Variants in MANSC1 observed in about 807,000 individuals in gnomAD.
MANSC1 encodes the protein MANSC domain containing 1, also known as MANSC domain-containing protein 1.
Under a neutral mutation model 14.1 loss-of-function variants are expected in MANSC1, and 13 were observed. That is an observed-to-expected ratio of 0.92 (90% CI 0.60 to 1.46). The LOEUF (loss-of-function observed/expected upper bound fraction) is 1.46. Among genes scored for constraint, MANSC1 ranks in the 40% most tolerant of loss-of-function variants. MANSC1 has a pLI of 0.00. For synonymous variants in MANSC1, 227 were observed against 200.7 expected (o/e 1.13, Z -1.11); for missense variants, 486 against 511.4 (o/e 0.95, Z 0.48).
chr12:12,349,893 C>T (rs1231345925), intron 1 of MANSC1, among the ~76,000 whole-genome samples, 185 bp downstream of exon 1: 2 of 152,226 alleles, frequency 1.3e-5, no homozygotes, highest in Non-Finnish European at 2.9e-5. Flanking sequence ...GCCTAGAGGT[C>T]CCCTTTGGAA....
intron 2 of MANSC1, among the ~76,000 whole-genome samples, chr12:12,342,806 T>C (rs905854799): frequency 6.6e-6 from 1 of 152,128 alleles, no homozygotes; most frequent in Non-Finnish European, 1.5e-5. Context: ...ACCATTTCAA[T>C]AGGATTTTTG....
chr12:12,332,991 G>C (rs778527906), intron 3 of MANSC1, among the ~76,000 whole-genome samples: 1 of 151,818 alleles, frequency 6.6e-6, no homozygotes, highest in East Asian at 1.9e-4. Flanking sequence ...TCTGCTCTAG[G>C]ATATAGTATT....
intron 2 of MANSC1, chr12:12,338,825 C>G (rs778140853): frequency 1.3e-5 from 6 of 479,384 alleles, no homozygotes; most frequent in Non-Finnish European, 2.3e-5. Context: ...AAAGTCAAAG[C>G]CAAAGCAAAG....
At chr12:12,331,140 G>A (rs534784790) in intron 3 of MANSC1, among the ~76,000 whole-genome samples, 182 bp from the exon 4 acceptor site, 2 of 152,252 alleles carry the variant, frequency 1.3e-5, no homozygotes, top group Non-Finnish European at 2.9e-5. Context: ...CCAGGAGTTG[G>A]AGACCAGCCT....
intron 3 of MANSC1, among the ~76,000 whole-genome samples, chr12:12,336,895 A>G (rs1385069802): frequency 1.3e-5 from 2 of 152,220 alleles, no homozygotes; most frequent in African/African-American, 4.8e-5. Context: ...ATGCTAAATA[A>G]TATTTGTTAT....
intron 1 of MANSC1, among the ~76,000 whole-genome samples, chr12:12,344,916 CATATATATATATATAT>C (rs536743365): frequency 0.091 from 3,061 of 33,576 alleles, 158 homozygotes; most frequent in Non-Finnish European, 0.12. Context: ...AATAAACTCC[CATATATATATATATAT>C]ATATATATAT....
At position 12,329,962 on chromosome 12, in the gene MANSC1, A is replaced by C; in HGVS notation, c.*65T>G. 7.3e-7 allele frequency: 1 copy of C among 1,367,588 alleles called. No individual in the cohort carries two copies. Among genetic ancestry groups the C allele is most frequent in the Non-Finnish European group, 1.0e-6 (1 of 990,346 alleles). 84.7% of individuals were successfully genotyped at this position (1,367,588 alleles called of 1,614,324 possible). A position where few individuals can be genotyped will look rare whatever the true frequency, so the allele number is the denominator to read the frequency against. On this transcript the variant is annotated 3_prime_UTR_variant, in exon 4 of 4. Coordinates refer to ENST00000535902, the MANE Select transcript of MANSC1 (RefSeq NM_018050.4). ...AACCTCCTGCTAAGACTAGCAAGTC[A>C]GCAGAAACTCATTGCATTTGGGCTT...
At position 12,343,140 on chromosome 12, in the gene MANSC1, T is replaced by C. The variant is rs1049145420; in HGVS notation, c.175A>G (p.Thr59Ala). ...IRGNEPVYTS[T>A]QEDCINSCCS... ...CAAGAATTAATGCAGTCTTCTTGAG[T>C]TGAAGTATATACGGGCTCATTGCCT... Residue 59 changes from threonine to alanine, a missense_variant, in exon 2 of 4, where the codon ACT becomes GCT. Coordinates refer to ENST00000535902, the MANE Select transcript of MANSC1 (RefSeq NM_018050.4). The C allele has an allele frequency of 5.0e-6, 8 of 1,613,910 alleles. No homozygotes were observed. The highest frequency in any genetic ancestry group is 6.8e-6 in the Non-Finnish European group (8 of 1,179,922).
chr12:12,339,972 C>G (rs1273479056), intron 2 of MANSC1, among the ~76,000 whole-genome samples: 2 of 152,086 alleles, frequency 1.3e-5, no homozygotes, highest in African/African-American at 2.4e-5. Context: ...ACCACCATGC[C>G]TGGCTAATTT....
Position 12,329,428 on chromosome 12 carries a change from T to C in MANSC1, c.*599A>G, listed in dbSNP as rs1028196920. 2 of 152,298 alleles carry C rather than the reference T, an allele frequency of 1.3e-5. No individual in the cohort carries two copies. Among genetic ancestry groups the C allele is most frequent in the Non-Finnish European group, 2.9e-5 (2 of 68,072 alleles). 9.4% of individuals were successfully genotyped at this position (152,298 alleles called of 1,614,324 possible). On this transcript the variant is annotated 3_prime_UTR_variant, in exon 4 of 4. Coordinates refer to ENST00000535902, the MANE Select transcript of MANSC1 (RefSeq NM_018050.4). Reference sequence around the variant, plus strand: ...TGAATGAATTGGAACCTAGATGTCCTAACCTGTTTCTTTGCATAAAAGCCA... The same window carrying C: ...TGAATGAATTGGAACCTAGATGTCCCAACCTGTTTCTTTGCATAAAAGCCA...
chr12:12,330,436 G>A lies in MANSC1; in HGVS notation c.887C>T (p.Ala296Val), dbSNP rs142261316. Reference protein sequence around the residue: ...VFTRAAATLQAMATTAVLTTT... With the variant: ...VFTRAAATLQVMATTAVLTTT... ...AGTCAGAACTGCTGTTGTAGCCATT[G>A]CTTGGAGTGTAGCCGCAGCCCGTGT... is the stretch of plus-strand genomic sequence containing the variant. The change falls in exon 4 of 4, where the codon GCA (alanine) becomes GTA (valine). Residue 296 changes from alanine (A) to valine (V), a missense_variant. Transcript: ENST00000535902. 3 of 1,614,108 alleles carry A rather than the reference G, an allele frequency of 1.9e-6. No individual in the cohort carries two copies. Among genetic ancestry groups the A allele is most frequent in the Admixed American group, 1.7e-5 (1 of 60,006 alleles).
Position 12,343,416 on chromosome 12 carries a change from T to A in MANSC1, c.-100-2A>T. On this transcript the variant is annotated splice_acceptor_variant, in intron 1 of 3. Coordinates refer to ENST00000535902, the MANE Select transcript of MANSC1 (RefSeq NM_018050.4). LOFTEE classifies it low-confidence loss of function (5UTR_SPLICE). ...CTGCACAGATGATGAGATTTCTCTC[T>A]AGAACAAAAATGGAAAATCATCAAT... 1 of 719,224 alleles carries A rather than the reference T, an allele frequency of 1.4e-6. No homozygotes were observed. Among genetic ancestry groups the A allele is most frequent in the Non-Finnish European group, 2.3e-6 (1 of 434,660 alleles). The allele number at this position is 719,224 out of a possible 1,614,324, so 44.6% of individuals were successfully genotyped here.
Position 12,342,590 on chromosome 12 carries a change from T to G in MANSC1, c.223+502A>C, listed in dbSNP as rs958356348. Among the ~76,000 whole-genome samples, 23 of 115,478 alleles carry G rather than the reference T, an allele frequency of 2.0e-4. No individual in the cohort carries two copies. The East Asian group carries it at 2.2e-3, about 11-fold the overall frequency. The allele number at this position is 115,478 out of a possible 152,430, so 75.8% of individuals were successfully genotyped here. The stretch of plus-strand genomic sequence containing the variant: ...TAGTAGTCAGTGTTTTTTTGTTTTT[T>G]TTTTTTTTTTTTTTTTTTGACTTAT... On this transcript the variant is annotated intron_variant, in intron 2 of 3. Transcript: ENST00000535902.
In MANSC1 at chr12:12,344,366, C is replaced by T. The variant is rs146280367; in HGVS notation, c.-100-952G>A. 4.8e-3 allele frequency among the ~76,000 whole-genome samples: 736 copies of T among 152,096 alleles called. 6 individuals carry two copies. The highest frequency in any genetic ancestry group is 0.027 in the Middle Eastern group (8 of 294). On this transcript the variant is annotated intron_variant, in intron 1 of 3. Transcript: ENST00000535902. Reference sequence around the variant, plus strand: ...GAGTCAGTGGGCTGGGAAAGGCAGACCCACCCTGAATCTGGGTGGGCACAA... The same window carrying T: ...GAGTCAGTGGGCTGGGAAAGGCAGATCCACCCTGAATCTGGGTGGGCACAA...
In MANSC1 at chr12:12,338,572, G is replaced by A; in HGVS notation, c.224-12C>T. The A allele has an allele frequency of 6.2e-7, 1 of 1,607,340 alleles. No homozygotes were observed. Among genetic ancestry groups the A allele is most frequent in the South Asian group, 1.1e-5 (1 of 89,302 alleles). On this transcript the variant is annotated splice_polypyrimidine_tract_variant and intron_variant, in intron 2 of 3. Coordinates refer to ENST00000535902, the MANE Select transcript of MANSC1 (RefSeq NM_018050.4). ...ACATGCTTTGTCCCCTGCAATGAAAGGTTTCATAAGCATGATTTTGAAATG... is the reference window on the plus strand; with the variant it reads ...ACATGCTTTGTCCCCTGCAATGAAAAGTTTCATAAGCATGATTTTGAAATG...
rs1332222076 is a variant in MANSC1, at chr12:12,328,146, T to C, written c.*1881A>G. The C allele has an allele frequency of 6.6e-6, 1 of 150,586 alleles. No homozygotes were observed. The highest frequency in any genetic ancestry group is 1.5e-5 in the Non-Finnish European group (1 of 67,370). 9.3% of individuals were successfully genotyped at this position (150,586 alleles called of 1,614,324 possible). A position where few individuals can be genotyped will look rare whatever the true frequency, so the allele number is the denominator to read the frequency against. On this transcript the variant is annotated 3_prime_UTR_variant, in exon 4 of 4. Transcript: ENST00000535902. ...GTATCAAACTGACCCAGGGGACTTC[T>C]GGACTCTTTGTTACCTCACCTATAA...
At chr12:12,337,313 T>C (rs946632542) in intron 3 of MANSC1, among the ~76,000 whole-genome samples, 3 of 149,390 alleles carry the variant, frequency 2.0e-5, no homozygotes, top group Non-Finnish European at 4.4e-5. Flanking sequence ...ATCCCAGCAC[T>C]TTGGGAGGCC....
intron 3 of MANSC1, among the ~76,000 whole-genome samples, chr12:12,337,340 G>A (rs186309581): frequency 1.3e-5 from 2 of 151,720 alleles, no homozygotes; most frequent in Admixed American, 6.6e-5. Context: ...GGCGGATCAC[G>A]AGGTCAGGAG....
intron 3 of MANSC1, among the ~76,000 whole-genome samples, chr12:12,333,059 A>ATATATATATATT (rs536426090): frequency 3.3e-5 from 5 of 150,922 alleles, no homozygotes; most frequent in South Asian, 4.2e-4. Context: ...ATATATATAT[A>ATATATATATATT]TTTTTGAGAC....
Sources: allele counts gnomAD v4.1 joint callset (sites outside exome capture counted in the v4.1 genomes callset), GRCh38; gene constraint gnomAD v4.1.1; transcripts MANE v1.5; gene names NCBI Gene and HGNC (gene_info 2026-07-23, HGNC 2026-07-21).